The following TXNDC16 variants were observed in gnomAD, a reference collection of about 807,000 sequenced individuals.
TXNDC16 encodes thioredoxin domain-containing protein 16.
In TXNDC16, 74 loss-of-function variants were observed where a neutral mutation model predicts 85.6. That is an observed-to-expected ratio of 0.86 (90% confidence interval 0.72 to 1.05). The LOEUF (loss-of-function observed/expected upper bound fraction) is 1.05. Ranked by LOEUF, TXNDC16 falls within the 50% of genes least tolerant of loss-of-function variation. TXNDC16 has a pLI of 0.00. For synonymous variants in TXNDC16, 335 were observed against 326.5 expected (o/e 1.03, Z -0.28); for missense variants, 959 against 947.0 (o/e 1.01, Z -0.17).
At chr14:52,546,428 T>C (rs563201008) in intron 1 of TXNDC16, among the ~76,000 whole-genome samples, 3 of 152,234 alleles carry the variant, frequency 2.0e-5, no homozygotes, top group African/African-American at 7.2e-5. Context: ...TTGCAGTTAC[T>C]AATTACACTT....
At chr14:52,506,577 T>C (rs1448470020) in intron 9 of TXNDC16, among the ~76,000 whole-genome samples, 2 of 120,738 alleles carry the variant, frequency 1.7e-5, no homozygotes, top group African/African-American at 6.8e-5. Flanking sequence ...TGAGACGGAG[T>C]CTCGCTCTGT....
At chr14:52,480,847 A>G (rs905461815) in intron 14 of TXNDC16, among the ~76,000 whole-genome samples, 2 of 151,750 alleles carry the variant, frequency 1.3e-5, no homozygotes, top group Non-Finnish European at 2.9e-5. Flanking sequence ...TATATGAAAA[A>G]GATACTTGCA....
chr14:52,447,772 A>G (rs761977246), intron 18 of TXNDC16, among the ~76,000 whole-genome samples: 9 of 152,182 alleles, frequency 5.9e-5, no homozygotes, highest in Non-Finnish European at 1.2e-4. Flanking sequence ...CTGCTTAGAG[A>G]AAACTCAAAG....
intron 11 of TXNDC16, 25 bp from the exon 12 acceptor site, chr14:52,488,511 A>C: frequency 6.4e-7 from 1 of 1,553,972 alleles, no homozygotes; most frequent in Non-Finnish European, 8.8e-7. Context: ...ATTTTTAAAA[A>C]ATGAATATAG....
At chr14:52,521,719 A>G (rs1431596471) in intron 6 of TXNDC16, among the ~76,000 whole-genome samples, 1 of 152,168 alleles carries the variant, frequency 6.6e-6, no homozygotes, top group Non-Finnish European at 1.5e-5. Flanking sequence ...ATCTTCTATC[A>G]TTCCCAGGGC....
intron 20 of TXNDC16, among the ~76,000 whole-genome samples, 160 bp from the exon 21 acceptor site, chr14:52,432,747 T>C (rs1176896070): frequency 6.6e-6 from 1 of 152,222 alleles, no homozygotes; most frequent in Non-Finnish European, 1.5e-5. Flanking sequence ...ACTGTCATTG[T>C]CAACAAGAAA....
intron 12 of TXNDC16, 29 bp downstream of exon 12, chr14:52,488,334 G>A: frequency 1.2e-6 from 2 of 1,608,730 alleles, no homozygotes; most frequent in Non-Finnish European, 1.7e-6. Flanking sequence ...GGGCAGGATG[G>A]GGAAGGGGTG....
intron 18 of TXNDC16, among the ~76,000 whole-genome samples, chr14:52,449,872 A>C (rs1338528113): frequency 6.6e-6 from 1 of 152,110 alleles, no homozygotes; most frequent in African/African-American, 2.4e-5. Flanking sequence ...CAATGAAGAA[A>C]TTAAAAAAGA....
chr14:52,536,028 CAAA>C (rs886399345), intron 6 of TXNDC16, among the ~76,000 whole-genome samples: 1 of 150,034 alleles, frequency 6.7e-6, no homozygotes, highest in Non-Finnish European at 1.5e-5. Context: ...CATCTCAAAA[CAAA>C]AAACAAAAAC....
At chr14:52,497,030 T>G (rs977665758) in intron 9 of TXNDC16, among the ~76,000 whole-genome samples, 1 of 152,076 alleles carries the variant, frequency 6.6e-6, no homozygotes, top group Non-Finnish European at 1.5e-5. Context: ...ATATGTAATA[T>G]AAATAGAAAT....
intron 6 of TXNDC16, among the ~76,000 whole-genome samples, chr14:52,525,110 G>A (rs1436673880): frequency 1.3e-5 from 2 of 151,274 alleles, no homozygotes; most frequent in East Asian, 3.9e-4. Flanking sequence ...CAACATGAGC[G>A]AAACTAAAAA....
chr14:52,464,505 G>C (rs983191064), intron 16 of TXNDC16, among the ~76,000 whole-genome samples: 1 of 152,162 alleles, frequency 6.6e-6, no homozygotes, highest in Non-Finnish European at 1.5e-5. Context: ...TAGGGCACCA[G>C]GCACCTGAGG....
intron 18 of TXNDC16, among the ~76,000 whole-genome samples, chr14:52,451,255 T>C (rs188849294): frequency 2.0e-5 from 3 of 150,490 alleles, no homozygotes; most frequent in Admixed American, 1.3e-4. Flanking sequence ...CAATAACCTA[T>C]TGAAATTTAA....
intron 6 of TXNDC16, among the ~76,000 whole-genome samples, chr14:52,530,705 T>C (rs1294942529): frequency 7.1e-6 from 1 of 140,332 alleles, no homozygotes; most frequent in African/African-American, 2.7e-5. Flanking sequence ...AAGATGTATA[T>C]TTTTTACATA....
At chr14:52,552,160 G>A (rs1282313790) in intron 1 of TXNDC16, among the ~76,000 whole-genome samples, 156 bp downstream of exon 1, 3 of 152,208 alleles carry the variant, frequency 2.0e-5, no homozygotes, top group African/African-American at 7.2e-5. Flanking sequence ...GCCCTCAGGA[G>A]GCTCCAGGTG....
chr14:52,441,988 C>A lies in TXNDC16; in HGVS notation c.1843-1264G>T, dbSNP rs149352053. ...AAGTCAGAATCCCAGGTTCTGGATT[C>A]ATGGAATTGTCACAGTAATAAAACT... is the stretch of plus-strand genomic sequence containing the variant. On this transcript the variant is annotated intron_variant, in intron 18 of 20. Transcript: ENST00000281741. 4.6e-5 allele frequency among the ~76,000 whole-genome samples: 7 copies of A among 152,136 alleles called. No individual in the cohort carries two copies. The East Asian group carries it at 1.3e-3, about 29-fold the overall frequency.
At chr14:52,463,370 G>C (rs1182116000) in intron 16 of TXNDC16, among the ~76,000 whole-genome samples, 1 of 151,954 alleles carries the variant, frequency 6.6e-6, no homozygotes, top group African/African-American at 2.4e-5. Context: ...GGGGTCGCTG[G>C]AAGTTCTACT....
At chr14:52,465,613 G>T (rs903975337) in intron 16 of TXNDC16, among the ~76,000 whole-genome samples, 1 of 146,938 alleles carries the variant, frequency 6.8e-6, no homozygotes, top group African/African-American at 2.5e-5. Context: ...AAAAAAAATT[G>T]AGGGTTTTGT....
At chr14:52,529,613 C>T (rs1190561682) in intron 6 of TXNDC16, among the ~76,000 whole-genome samples, 2 of 83,334 alleles carry the variant, frequency 2.4e-5, no homozygotes, top group Non-Finnish European at 4.2e-5. Context: ...ATATATAATG[C>T]CTATTATATA....
Sources: gnomAD v4.1 joint callset for allele counts (sites outside exome capture counted in the v4.1 genomes callset) on GRCh38, gnomAD v4.1.1 for gene constraint, MANE v1.5 for transcripts, NCBI Gene and HGNC (gene_info 2026-07-23, HGNC 2026-07-21) for gene names.